KIAA1217: variants seen among roughly 807,000 people sequenced by gnomAD.
The protein encoded by KIAA1217 is sickle tail protein homolog.
A neutral mutation model predicts 163.9 loss-of-function variants in KIAA1217; 88 were observed. The ratio of observed to expected loss-of-function variants is 0.54; its 90% CI spans 0.45 to 0.64. The LOEUF is 0.64. Ranked by LOEUF, KIAA1217 falls within the 30% of genes least tolerant of loss-of-function variation. The pLI is 0.00. For missense variants in KIAA1217, 2,372 were observed against 2,475.0 expected (o/e 0.96, Z 0.88); for synonymous variants, 903 against 923.1 (o/e 0.98, Z 0.39).
At chr10:24,313,183 T>G (rs2042927814) in intron 2 of KIAA1217, among the ~76,000 whole-genome samples, 1 of 152,174 alleles carries the variant, frequency 6.6e-6, no homozygotes, top group Non-Finnish European at 1.5e-5. Flanking sequence ...AAATCAACAG[T>G]AGAGCGGGAC....
intron 1 of KIAA1217, among the ~76,000 whole-genome samples, chr10:23,814,770 A>T (rs1564444964): frequency 6.6e-6 from 1 of 152,012 alleles, no homozygotes; most frequent in Non-Finnish European, 1.5e-5. Flanking sequence ...TCTTGCAGGG[A>T]TATGCATTGT....
At chr10:24,019,152 A>G (rs920576095) in intron 2 of KIAA1217, among the ~76,000 whole-genome samples, 3 of 152,080 alleles carry the variant, frequency 2.0e-5, no homozygotes, top group Non-Finnish European at 4.4e-5. Context: ...AATTAATGAT[A>G]ATGTGTGTAG....
rs1034586617 is a variant in KIAA1217 at position 24,303,188 on chromosome 10, A to AT, written c.355-77671dup. 1.2e-4 allele frequency among the ~76,000 whole-genome samples: 18 copies of AT among 148,800 alleles called. 1 individual carries two copies. The South Asian group carries it at 2.3e-3, about 19-fold the overall frequency. On this transcript the variant is annotated intron_variant, in intron 2 of 20. Transcript: ENST00000376454. The stretch of plus-strand genomic sequence containing the variant: ...ACCACCAAGCCCAGTTAATTTTTAA[A>AT]TTTTTTTTTTAGAGACAGGATCTTG...
chr10:24,000,298 G>A (rs935561450), intron 1 of KIAA1217, among the ~76,000 whole-genome samples: 1 of 152,090 alleles, frequency 6.6e-6, no homozygotes, highest in African/African-American at 2.4e-5. Context: ...TGAATCATGG[G>A]GGGCAGTTAC....
At chr10:23,747,454 G>A (rs538950191) in intron 1 of KIAA1217, among the ~76,000 whole-genome samples, 1 of 152,102 alleles carries the variant, frequency 6.6e-6, no homozygotes, top group Non-Finnish European at 1.5e-5. Flanking sequence ...TTTGGTGTAA[G>A]TCCAGGCAAC....
chr10:24,342,308 G>A (rs1017442748), intron 2 of KIAA1217, among the ~76,000 whole-genome samples: 2 of 152,152 alleles, frequency 1.3e-5, no homozygotes, highest in African/African-American at 4.8e-5. Flanking sequence ...CAGAGAAAAT[G>A]GCAGCTGACA....
rs555166559 is a variant in KIAA1217, at chr10:24,202,944, C to T, written c.-170-16682C>T. ...GTGGCTCATGACAGTAATCTCAACA[C>T]TTTGTGAGGCCAGGGCTGGAGGATT... On this transcript the variant is annotated intron_variant, in intron 2 of 18. Coordinates refer to the KIAA1217 transcript ENST00000376462. Among the ~76,000 whole-genome samples, 15 of 152,244 alleles carry T rather than the reference C, an allele frequency of 9.9e-5. 1 individual carries two copies. The highest frequency in any genetic ancestry group is 3.1e-4 in the African/African-American group (13 of 41,550).
chr10:23,993,428 G>T (rs1187627592), intron 1 of KIAA1217, among the ~76,000 whole-genome samples: 1 of 151,956 alleles, frequency 6.6e-6, no homozygotes, highest in Non-Finnish European at 1.5e-5. Flanking sequence ...CTAGGCTATT[G>T]CTTAGTCCCC....
chr10:23,863,727 C>T (rs977210924), intron 1 of KIAA1217, among the ~76,000 whole-genome samples: 1 of 152,160 alleles, frequency 6.6e-6, no homozygotes, highest in African/African-American at 2.4e-5. Context: ...AACTTCAGAG[C>T]CACCCTTGAT....
Position 24,436,797 on chromosome 10 carries a change from G to A in KIAA1217, c.753-1589G>A, listed in dbSNP as rs12267980. ...AAAAAAAAAAAAAGACAAAAGAAAA[G>A]TATCATGTAGATTTCAACTGGAGAC... is the stretch of plus-strand genomic sequence containing the variant. On this transcript the variant is annotated intron_variant, in intron 4 of 20. Coordinates refer to ENST00000376454, the MANE Select transcript of KIAA1217 (RefSeq NM_019590.5). Among the ~76,000 whole-genome samples, 1,121 of 134,518 alleles carry A rather than the reference G, an allele frequency of 8.3e-3. 15 individuals are homozygous for A. The highest frequency in any genetic ancestry group is 0.03 in the African/African-American group (1,080 of 36,138). 88.2% of individuals were successfully genotyped at this position (134,518 alleles called of 152,430 possible).
At chr10:23,974,913 T>C (rs1845478574) in intron 1 of KIAA1217, among the ~76,000 whole-genome samples, 1 of 151,918 alleles carries the variant, frequency 6.6e-6, no homozygotes, top group South Asian at 2.1e-4. Context: ...ATCTGCTCTT[T>C]GGCCATAATG....
intron 2 of KIAA1217, among the ~76,000 whole-genome samples, chr10:24,240,949 C>T (rs1336898313): frequency 5.9e-5 from 9 of 152,044 alleles, no homozygotes; most frequent in African/African-American, 9.7e-5. Context: ...CTCTGCCTCC[C>T]GGCTAAAGCA....
At chr10:24,449,362 A>G in intron 5 of KIAA1217, 1 of 647,170 alleles carries the variant, frequency 1.5e-6, no homozygotes, top group Non-Finnish European at 1.9e-6. Context: ...AGGTTATGAC[A>G]ACATGAGCCA....
chr10:24,292,741 G>C (rs986194646), intron 2 of KIAA1217, among the ~76,000 whole-genome samples: 1 of 152,174 alleles, frequency 6.6e-6, no homozygotes, highest in African/African-American at 2.4e-5. Context: ...GCTGTTTCAA[G>C]AGTTTCCACG....
In KIAA1217 at chr10:24,546,258, C is replaced by T. The variant is rs1340004539; in HGVS notation, c.5766C>T (p.Thr1922=). 4 of 1,614,014 alleles carry T rather than the reference C, an allele frequency of 2.5e-6. No homozygotes were observed. The highest frequency in any genetic ancestry group is 4.5e-5 in the East Asian group (2 of 44,896). ...GTRTIHTPSL[T]SYKAQNGSSS... ...GGACCATCCATACTCCCAGCCTCAC[C>T]AGCTACAAGGCACAGAATGGAAGTT... The change falls in exon 21 of 21, where the codon ACC becomes ACT. Residue 1922 remains threonine, a synonymous_variant. Transcript: ENST00000376454.
chr10:23,972,496 G>A (rs1409641449), intron 1 of KIAA1217, among the ~76,000 whole-genome samples: 2 of 151,996 alleles, frequency 1.3e-5, no homozygotes, highest in Non-Finnish European at 2.9e-5. Flanking sequence ...ATCATTCTCA[G>A]CAAACTAACA....
chr10:24,368,882 A>G (rs565023852), intron 2 of KIAA1217: 4 of 981,776 alleles, frequency 4.1e-6, no homozygotes, highest in Admixed American at 6.1e-5. Context: ...TTTATAATTT[A>G]CCAATTGCTG....
chr10:23,925,980 T>A (rs922326421), intron 1 of KIAA1217, among the ~76,000 whole-genome samples: 1 of 152,184 alleles, frequency 6.6e-6, no homozygotes, highest in African/African-American at 2.4e-5. Context: ...AACTTTCTCA[T>A]ACTGGATTTC....
At chr10:24,139,451 CA>C (rs1731770193) in intron 2 of KIAA1217, among the ~76,000 whole-genome samples, 1 of 151,908 alleles carries the variant, frequency 6.6e-6, no homozygotes, top group South Asian at 2.1e-4. Context: ...GTATCAGTGC[CA>C]AAATATTCTA....
Sources: gnomAD v4.1 joint callset for allele counts (sites outside exome capture counted in the v4.1 genomes callset) on GRCh38, gnomAD v4.1.1 for gene constraint, MANE v1.5 for transcripts, NCBI Gene and HGNC (gene_info 2026-07-23, HGNC 2026-07-21) for gene names.